EPHA6: variants seen among roughly 807,000 people sequenced by gnomAD.
The protein encoded by EPHA6 is ephrin type-A receptor 6.
In EPHA6, 50 loss-of-function variants were observed where a neutral mutation model predicts 112.0. The observed-to-expected ratio is 0.45, with a 90% CI of 0.36 to 0.56. The LOEUF is 0.56. Among genes scored for constraint, EPHA6 ranks in the 20% least tolerant of loss-of-function variants. The probability of loss-of-function intolerance (pLI) is 0.00; values close to 1 mark genes in which losing one functional copy is unlikely to be tolerated. For synonymous variants in EPHA6, 529 were observed against 490.7 expected (o/e 1.08, Z -1.03); for missense variants, 1,280 against 1,417.4 (o/e 0.90, Z 1.56).
chr3:97,266,385 A>G (rs954806314), intron 5 of EPHA6, among the ~76,000 whole-genome samples: 2 of 152,200 alleles, frequency 1.3e-5, no homozygotes, highest in Non-Finnish European at 2.9e-5. Flanking sequence ...AGGATGAGCA[A>G]TACAAAACTG....
chr3:97,443,066 T>C (rs955557227), intron 6 of EPHA6, among the ~76,000 whole-genome samples: 4 of 152,110 alleles, frequency 2.6e-5, no homozygotes, highest in African/African-American at 9.7e-5. Context: ...AGATAATAAA[T>C]CATGTTCTAA....
intron 3 of EPHA6, among the ~76,000 whole-genome samples, chr3:97,158,363 G>A (rs1251861302): frequency 6.6e-6 from 1 of 152,118 alleles, no homozygotes; most frequent in Non-Finnish European, 1.5e-5. Context: ...CGTGGCCATA[G>A]CTGGTATTTA....
chr3:97,522,811 C>T (rs553794968), intron 10 of EPHA6, among the ~76,000 whole-genome samples: 6 of 152,080 alleles, frequency 3.9e-5, no homozygotes, highest in African/African-American at 1.4e-4. Flanking sequence ...TCTAAATTAT[C>T]CAATTTATAA....
intron 5 of EPHA6, among the ~76,000 whole-genome samples, chr3:97,362,761 C>A (rs2108941035): frequency 6.6e-6 from 1 of 151,990 alleles, no homozygotes; most frequent in East Asian, 1.9e-4. Context: ...AGTATGCAAA[C>A]TACTGAGTCA....
chr3:97,173,023 T>G (rs1000464969), intron 3 of EPHA6, among the ~76,000 whole-genome samples: 8 of 151,916 alleles, frequency 5.3e-5, no homozygotes, highest in Admixed American at 1.3e-4. Flanking sequence ...ATTTTATGCT[T>G]TAGTTGACTT....
rs528507162 is a variant in EPHA6, at chr3:96,887,176, A to C, written c.450+20287A>C. Among the ~76,000 whole-genome samples the C allele has an allele frequency of 5.9e-5, 9 of 152,120 alleles. No homozygotes were observed. In the East Asian group the frequency reaches 1.7e-3, roughly 29 times the overall value. ...AGGTTGAAGAGCCTTGTTTCTTCAT[A>C]TTACTAGGGTTGGTTTTCTGGTTCC... On this transcript the variant is annotated intron_variant, in intron 2 of 17. Transcript: ENST00000389672.
At chr3:97,374,655 C>T (rs145863599) in intron 5 of EPHA6, among the ~76,000 whole-genome samples, 84 of 152,050 alleles carry the variant, frequency 5.5e-4, no homozygotes, top group Non-Finnish European at 9.1e-4. Flanking sequence ...CTTGTCCTGC[C>T]GCTCGCTCAT....
At chr3:96,927,276 A>G (rs984235576) in intron 2 of EPHA6, among the ~76,000 whole-genome samples, 1 of 152,168 alleles carries the variant, frequency 6.6e-6, no homozygotes, top group African/African-American at 2.4e-5. Flanking sequence ...CTGGCCCAGG[A>G]AACCATTTTT....
At chr3:97,259,349 T>C (rs760321102) in intron 5 of EPHA6, among the ~76,000 whole-genome samples, 2 of 152,286 alleles carry the variant, frequency 1.3e-5, no homozygotes, top group Middle Eastern at 3.4e-3. Flanking sequence ...ACCTTATCTT[T>C]TTTTTTGTTT....
chr3:97,524,238 AT>A (rs2092587149), intron 10 of EPHA6, among the ~76,000 whole-genome samples: 2 of 151,464 alleles, frequency 1.3e-5, no homozygotes, highest in Non-Finnish European at 3.0e-5. Context: ...TTCTCTTCAT[AT>A]TTTGTATATC....
At chr3:97,568,817 T>TG (rs1472022312) in intron 11 of EPHA6, among the ~76,000 whole-genome samples, 4 of 152,176 alleles carry the variant, frequency 2.6e-5, no homozygotes, top group African/African-American at 9.6e-5. Flanking sequence ...GGTCTTGCAG[T>TG]GGGGGAGAGA....
At chr3:97,255,902 G>A (rs777546298) in intron 5 of EPHA6, among the ~76,000 whole-genome samples, 2 of 152,010 alleles carry the variant, frequency 1.3e-5, no homozygotes, top group African/African-American at 2.4e-5. Context: ...ATGAAAACTC[G>A]TTTAGTTCTT....
At chr3:97,202,445 C>T (rs2108499828) in intron 3 of EPHA6, among the ~76,000 whole-genome samples, 1 of 151,824 alleles carries the variant, frequency 6.6e-6, no homozygotes, top group South Asian at 2.1e-4. Flanking sequence ...ACTTCCTGGA[C>T]TCAAGTCTCC....
intron 5 of EPHA6, among the ~76,000 whole-genome samples, chr3:97,248,877 T>G (rs773850697): frequency 6.6e-6 from 1 of 152,162 alleles, no homozygotes; most frequent in Non-Finnish European, 1.5e-5. Flanking sequence ...AATGCCAACC[T>G]TTTACATGTT....
chr3:97,645,181 C>G (rs1576186580), intron 14 of EPHA6, among the ~76,000 whole-genome samples: 1 of 151,486 alleles, frequency 6.6e-6, no homozygotes. Context: ...ACCCAAAGGA[C>G]TATAAATCAT....
intron 5 of EPHA6, among the ~76,000 whole-genome samples, chr3:97,253,626 C>T (rs1179340761): frequency 5.9e-5 from 9 of 151,954 alleles, no homozygotes; most frequent in African/African-American, 1.7e-4. Context: ...AAATATTATT[C>T]CAAGGATGAT....
intron 14 of EPHA6, chr3:97,646,323 G>A (rs1021125142): frequency 3.4e-6 from 5 of 1,489,404 alleles, no homozygotes; most frequent in East Asian, 5.0e-5. Flanking sequence ...GAGTCTTTCA[G>A]AGCCCCGTTT....
At chr3:97,389,358 A>C (rs1014191336) in intron 5 of EPHA6, among the ~76,000 whole-genome samples, 4 of 151,928 alleles carry the variant, frequency 2.6e-5, no homozygotes, top group African/African-American at 9.7e-5. Flanking sequence ...TCAGCATTGC[A>C]CATGTCAGAT....
chr3:97,659,946 AT>A, intron 14 of EPHA6, among the ~76,000 whole-genome samples: 1 of 152,160 alleles, frequency 6.6e-6, no homozygotes, highest in East Asian at 1.9e-4. Flanking sequence ...GATATAAGGC[AT>A]TTTAGCACCT....
Sources: allele counts gnomAD v4.1 joint callset (sites outside exome capture counted in the v4.1 genomes callset), GRCh38; gene constraint gnomAD v4.1.1; transcripts MANE v1.5; gene names NCBI Gene and HGNC (gene_info 2026-07-23, HGNC 2026-07-21).